Variants in NSUN6 observed in about 807,000 individuals in gnomAD.
NSUN6 encodes the protein tRNA (cytosine(72)-C(5))-methyltransferase NSUN6.
Under a neutral mutation model 58.0 loss-of-function variants are expected in NSUN6, and 64 were observed. That is an observed-to-expected ratio of 1.10 (90% confidence interval 0.90 to 1.36). NSUN6 has a LOEUF of 1.36. NSUN6 is among the 40% of genes most tolerant of loss of function. The pLI, the probability that NSUN6 is intolerant of heterozygous loss-of-function variation, is 0.00. For missense variants in NSUN6, 701 were observed against 550.1 expected (o/e 1.27, Z -2.74); for synonymous variants, 231 against 193.9 (o/e 1.19, Z -1.59).
intron 3 of NSUN6, among the ~76,000 whole-genome samples, chr10:18,625,929 A>G (rs2058785176): frequency 6.6e-6 from 1 of 152,032 alleles, no homozygotes; most frequent in Non-Finnish European, 1.5e-5. Flanking sequence ...TATAAAAGCA[A>G]TGTCTACAAA....
chr10:18,653,217 CA>C (rs1409224342), upstream of NSUN6: 1 of 984,708 alleles, frequency 1.0e-6, no homozygotes, highest in Admixed American at 6.2e-5. Flanking sequence ...ACTATGTACC[CA>C]AGCCTAATCC....
At chr10:18,610,939 T>C (rs10829009) in intron 5 of NSUN6, among the ~76,000 whole-genome samples, 46,512 of 152,048 alleles carry the variant, frequency 0.31, 7,791 homozygotes, top group East Asian at 0.74. Context: ...CACAGTGGCT[T>C]ATGCCTGTAA....
At chr10:18,644,823 G>C (rs1342879413) in intron 2 of NSUN6, among the ~76,000 whole-genome samples, 1 of 148,530 alleles carries the variant, frequency 6.7e-6, no homozygotes. Context: ...CTGGGCGACA[G>C]AGCGAGACTC....
intron 3 of NSUN6, among the ~76,000 whole-genome samples, chr10:18,630,360 C>A (rs1183698892): frequency 6.6e-6 from 1 of 150,480 alleles, no homozygotes; most frequent in Non-Finnish European, 1.5e-5. Context: ...AAAGCAAGAG[C>A]AAACACATTC....
chr10:18,561,180 T>A lies in NSUN6; in HGVS notation c.923-9209A>T, dbSNP rs536042913. Among the ~76,000 whole-genome samples the A allele has an allele frequency of 2.7e-5, 2 of 75,308 alleles. 1 individual carries two copies. The highest frequency in any genetic ancestry group is 2.7e-4 in the Admixed American group (2 of 7,294). 49.4% of individuals were successfully genotyped at this position (75,308 alleles called of 152,430 possible). A position where few individuals can be genotyped will look rare whatever the true frequency, so the allele number is the denominator to read the frequency against. On this transcript the variant is annotated intron_variant, in intron 8 of 10. Transcript: ENST00000377304. Reference sequence around the variant, plus strand: ...GAATGGAATACAGTGATAAATAGGCTAGAAGGGAGAATGGAATAGAATGAA... The same window carrying A: ...GAATGGAATACAGTGATAAATAGGCAAGAAGGGAGAATGGAATAGAATGAA...
intron 8 of NSUN6, among the ~76,000 whole-genome samples, chr10:18,556,125 GATGGACATGAATGGAGAATGGAATGGA>G: frequency 6.7e-6 from 1 of 148,224 alleles, no homozygotes; most frequent in Admixed American, 6.7e-5. Flanking sequence ...AATTGAATGG[GATGGACATGAATGGAGAATGGAATGGA>G]ATGGAGAATG....
chr10:18,639,990 G>A (rs574320346), intron 3 of NSUN6, among the ~76,000 whole-genome samples: 4 of 152,210 alleles, frequency 2.6e-5, no homozygotes, highest in South Asian at 2.1e-4. Flanking sequence ...AACACCTCTC[G>A]TAACAATGAA....
upstream of NSUN6, among the ~76,000 whole-genome samples, chr10:18,656,513 G>A (rs763382503): frequency 6.6e-6 from 1 of 152,118 alleles, no homozygotes. Flanking sequence ...CTCCAGCCTA[G>A]GTGACAGAGT....
upstream of NSUN6, among the ~76,000 whole-genome samples, chr10:18,653,792 T>C (rs1422865676): frequency 6.6e-6 from 1 of 152,162 alleles, no homozygotes; most frequent in East Asian, 1.9e-4. Flanking sequence ...GTTGGCATAG[T>C]AGATATGTGC....
At chr10:18,656,630 T>C (rs536302932), upstream of NSUN6, among the ~76,000 whole-genome samples, 1 of 152,216 alleles carries the variant, frequency 6.6e-6, no homozygotes, top group Non-Finnish European at 1.5e-5. Flanking sequence ...TATCTGAAGT[T>C]AGTTTGTAAT....
At chr10:18,562,579 G>T (rs1287500036) in intron 8 of NSUN6, among the ~76,000 whole-genome samples, 1 of 150,578 alleles carries the variant, frequency 6.6e-6, no homozygotes, top group African/African-American at 2.5e-5. Flanking sequence ...AATAGAGAAT[G>T]GAATGGGGAT....
chr10:18,626,533 T>C (rs2058812851), intron 3 of NSUN6, among the ~76,000 whole-genome samples: 1 of 152,192 alleles, frequency 6.6e-6, no homozygotes, highest in Admixed American at 6.5e-5. Flanking sequence ...TTTAGGAGGC[T>C]GAGGCAGGCA....
At chr10:18,635,023 A>C (rs1398416478) in intron 3 of NSUN6, among the ~76,000 whole-genome samples, 1 of 152,168 alleles carries the variant, frequency 6.6e-6, no homozygotes, top group Non-Finnish European at 1.5e-5. Flanking sequence ...ACTCTGTACA[A>C]GGTACAAACA....
At chr10:18,598,288 T>C (rs2057674662) in intron 6 of NSUN6, among the ~76,000 whole-genome samples, 1 of 152,234 alleles carries the variant, frequency 6.6e-6, no homozygotes, top group African/African-American at 2.4e-5. Flanking sequence ...CACCCTTTGC[T>C]GACTCTCTTT....
intron 3 of NSUN6, among the ~76,000 whole-genome samples, chr10:18,618,951 T>C (rs1355178969): frequency 6.6e-6 from 1 of 152,182 alleles, no homozygotes; most frequent in Non-Finnish European, 1.5e-5. Context: ...TTTTTAATCA[T>C]TTTAAGAAAA....
At chr10:18,592,222 G>A (rs751582908) in intron 7 of NSUN6, among the ~76,000 whole-genome samples, 3 of 152,060 alleles carry the variant, frequency 2.0e-5, no homozygotes, top group Non-Finnish European at 2.9e-5. Context: ...AATAAGAGAG[G>A]ACACAAACAA....
chr10:18,642,517 TG>T lies in NSUN6; in HGVS notation c.269del (p.Pro90GlnfsTer36). The T allele has an allele frequency of 6.4e-7, 1 of 1,563,392 alleles. No individual in the cohort carries two copies. The highest frequency in any genetic ancestry group is 8.8e-7 in the Non-Finnish European group (1 of 1,134,550). Reference protein sequence around the residue: ...NGLSVPILQHPDLQDVLLIPV... With the variant: ...NGLSVPILQHXDLQDVLLIPV... Reference sequence around the variant, plus strand: ...GAATAAGTAACACATCTTGAAGGTCTGGATGTTGAAGAATAGGAACACTTAA... The same window carrying T: ...GAATAAGTAACACATCTTGAAGGTCTGATGTTGAAGAATAGGAACACTTAA... On this transcript the variant is annotated frameshift_variant, in exon 3 of 11. Coordinates refer to ENST00000377304, the MANE Select transcript of NSUN6 (RefSeq NM_182543.5). LOFTEE classifies it high-confidence loss of function.
In NSUN6 at chr10:18,609,368, C is replaced by A. The variant is rs2058152931; in HGVS notation, c.657+477G>T. Among the ~76,000 whole-genome samples, 3 of 152,078 alleles carry A rather than the reference C, an allele frequency of 2.0e-5. No homozygotes were observed. The South Asian group carries it at 6.2e-4, about 32-fold the overall frequency. ...ACAGAGAAGGTGGGGCAGCACACAA[C>A]ATTTGGACTTAGGTTTGAGTTCAGA... On this transcript the variant is annotated intron_variant, in intron 6 of 10. Coordinates refer to ENST00000377304, the MANE Select transcript of NSUN6 (RefSeq NM_182543.5).
chr10:18,600,308 C>T (rs887601809), intron 6 of NSUN6, among the ~76,000 whole-genome samples: 5 of 152,054 alleles, frequency 3.3e-5, no homozygotes, highest in African/African-American at 9.7e-5. Flanking sequence ...CTGTCCTGTA[C>T]AATAATTTCA....
Sources: allele counts gnomAD v4.1 joint callset (sites outside exome capture counted in the v4.1 genomes callset), GRCh38; gene constraint gnomAD v4.1.1; transcripts MANE v1.5; gene names NCBI Gene and HGNC (gene_info 2026-07-23, HGNC 2026-07-21).